Variants in SLC10A7 observed in about 807,000 individuals in gnomAD.
The protein encoded by SLC10A7 is sodium/bile acid cotransporter 7.
In SLC10A7, 29 loss-of-function variants were observed where a neutral mutation model predicts 43.2. That is an observed-to-expected ratio of 0.67 (90% CI 0.50 to 0.92). SLC10A7 has a LOEUF of 0.92. Ranked by LOEUF, SLC10A7 falls within the 40% of genes least tolerant of loss-of-function variation. The pLI is 0.00. For missense variants in SLC10A7, 295 were observed against 403.2 expected (o/e 0.73, Z 2.30); for synonymous variants, 152 against 144.8 (o/e 1.05, Z -0.35).
At chr4:146,263,459 A>G (rs1728360867) in intron 10 of SLC10A7, among the ~76,000 whole-genome samples, 1 of 152,124 alleles carries the variant, frequency 6.6e-6, no homozygotes, top group Admixed American at 6.5e-5. Flanking sequence ...CTATCACTCC[A>G]TTTTTACTAC....
At chr4:146,272,815 TTAATAA>T (rs199946311) in intron 10 of SLC10A7, among the ~76,000 whole-genome samples, 3,388 of 152,062 alleles carry the variant, frequency 0.022, 96 homozygotes, top group Non-Finnish European at 0.028. Flanking sequence ...TTTCTAAATA[TTAATAA>T]TAATAATAAA....
At chr4:146,289,776 C>T (rs949923304) in intron 9 of SLC10A7, among the ~76,000 whole-genome samples, 67 of 124,700 alleles carry the variant, frequency 5.4e-4, no homozygotes, top group Non-Finnish European at 8.7e-4. Context: ...AGTGCAGTGG[C>T]GTGATCTCAG....
At chr4:146,497,471 T>G (rs1735999807) in intron 4 of SLC10A7, among the ~76,000 whole-genome samples, 2 of 152,216 alleles carry the variant, frequency 1.3e-5, no homozygotes, top group Non-Finnish European at 2.9e-5. Flanking sequence ...ATTATATTTC[T>G]CTTCCACTTG....
chr4:146,328,472 C>T (rs1385270943), intron 5 of SLC10A7, among the ~76,000 whole-genome samples: 6 of 152,180 alleles, frequency 3.9e-5, no homozygotes, highest in African/African-American at 1.2e-4. Flanking sequence ...TTTGCATCAT[C>T]GGTGGACCTT....
At chr4:146,324,104 T>C (rs1021742842) in intron 6 of SLC10A7, among the ~76,000 whole-genome samples, 1 of 152,036 alleles carries the variant, frequency 6.6e-6, no homozygotes, top group African/African-American at 2.4e-5. Context: ...TACCTAGGAA[T>C]CCAACTTACA....
chr4:146,306,418 A>C (rs1321087551), intron 6 of SLC10A7, among the ~76,000 whole-genome samples: 1 of 152,134 alleles, frequency 6.6e-6, no homozygotes, highest in Non-Finnish European at 1.5e-5. Flanking sequence ...TATTTATGTA[A>C]ATGAAATAGT....
At position 146,283,144 on chromosome 4, in the gene SLC10A7, T is replaced by TA. The variant is rs755696451; in HGVS notation, c.847+47dup. The TA allele has an allele frequency of 1.1e-5, 15 of 1,380,168 alleles. No individual in the cohort carries two copies. The African/African-American group carries it at 2.1e-4, about 20-fold the overall frequency. The allele number at this position is 1,380,168 out of a possible 1,614,324, so 85.5% of individuals were successfully genotyped here. ...CTTTGAATATCAAAGTCATAAGATG[T>TA]AACTATATGAGGGTAATAGGTGGTT... On this transcript the variant is annotated intron_variant, in intron 10 of 11. Transcript: ENST00000335472.
intron 5 of SLC10A7, among the ~76,000 whole-genome samples, chr4:146,374,623 C>CAT (rs1737042011): frequency 3.0e-5 from 4 of 134,624 alleles, no homozygotes; most frequent in Admixed American, 2.3e-4. Context: ...TACACATACA[C>CAT]ACACACACAC....
At chr4:146,399,227 G>A (rs945078146) in intron 5 of SLC10A7, among the ~76,000 whole-genome samples, 7 of 152,126 alleles carry the variant, frequency 4.6e-5, no homozygotes, top group Non-Finnish European at 8.8e-5. Flanking sequence ...CTTGAGGGGA[G>A]AAAGTCTTTG....
chr4:146,384,410 A>T (rs1737846131), intron 5 of SLC10A7, among the ~76,000 whole-genome samples: 2 of 152,152 alleles, frequency 1.3e-5, no homozygotes, highest in South Asian at 4.1e-4. Flanking sequence ...TTATTATTTT[A>T]TGAGTAGCTT....
In SLC10A7 at chr4:146,519,028, C is replaced by T. The variant is rs74808595; in HGVS notation, c.101-1908G>A. The stretch of plus-strand genomic sequence containing the variant: ...CATAGCCTGAAACCCTCCACTTGTT[C>T]GATATATGGACAGAAGACCAAGCTC... On this transcript the variant is annotated intron_variant, in intron 1 of 11. Transcript: ENST00000335472. Among the ~76,000 whole-genome samples, 39 of 122,938 alleles carry T rather than the reference C, an allele frequency of 3.2e-4. No individual in the cohort carries two copies. The East Asian group carries it at 7.4e-3, about 23-fold the overall frequency. 80.7% of individuals were successfully genotyped at this position (122,938 alleles called of 152,430 possible).
At chr4:146,402,734 C>A (rs961663083) in intron 5 of SLC10A7, among the ~76,000 whole-genome samples, 2 of 152,192 alleles carry the variant, frequency 1.3e-5, no homozygotes, top group African/African-American at 4.8e-5. Context: ...AACTCCATTT[C>A]GCCTTGAAGA....
chr4:146,256,148 C>A lies in SLC10A7; in HGVS notation c.*343G>T. The A allele has an allele frequency of 4.4e-6, 1 of 227,670 alleles. No individual in the cohort carries two copies. Among genetic ancestry groups the A allele is most frequent in the Admixed American group, 5.5e-5 (1 of 18,020 alleles). The allele number at this position is 227,670 out of a possible 1,614,324, so 14.1% of individuals were successfully genotyped here. ...GAAGGGCATTTTCCTGATGGTGTGA[C>A]CTCATTTCAAACATTACAGTAACTA... On this transcript the variant is annotated 3_prime_UTR_variant, in exon 12 of 12. Transcript: ENST00000335472.
At chr4:146,401,640 A>G (rs1739233981) in intron 5 of SLC10A7, among the ~76,000 whole-genome samples, 1 of 152,132 alleles carries the variant, frequency 6.6e-6, no homozygotes, top group African/African-American at 2.4e-5. Context: ...GTGGATGAGG[A>G]AACAGTGAAC....
intron 5 of SLC10A7, among the ~76,000 whole-genome samples, chr4:146,351,525 A>G (rs1735102651): frequency 6.7e-6 from 1 of 149,960 alleles, no homozygotes; most frequent in Non-Finnish European, 1.5e-5. Flanking sequence ...GATTCAGGAA[A>G]TACAGAGAAT....
intron 5 of SLC10A7, among the ~76,000 whole-genome samples, chr4:146,329,332 A>T (rs967328579): frequency 1.3e-5 from 2 of 152,198 alleles, no homozygotes; most frequent in Non-Finnish European, 2.9e-5. Flanking sequence ...GAGCACCATA[A>T]TTTTTAGTAA....
At chr4:146,482,663 G>T (rs1734576364) in intron 4 of SLC10A7, among the ~76,000 whole-genome samples, 1 of 151,920 alleles carries the variant, frequency 6.6e-6, no homozygotes, top group African/African-American at 2.4e-5. Flanking sequence ...TGGCATTATG[G>T]GAGTTCCAGA....
At chr4:146,505,887 G>T (rs1322560089) in intron 3 of SLC10A7, among the ~76,000 whole-genome samples, 3 of 152,250 alleles carry the variant, frequency 2.0e-5, no homozygotes, top group East Asian at 3.9e-4. Flanking sequence ...TTTAAGATAA[G>T]TGTTATTATT....
At chr4:146,372,813 T>G (rs547639135) in intron 5 of SLC10A7, among the ~76,000 whole-genome samples, 1 of 152,300 alleles carries the variant, frequency 6.6e-6, no homozygotes, top group African/African-American at 2.4e-5. Flanking sequence ...AAAGTAACAT[T>G]TTTTGGATTA....
Sources: allele counts gnomAD v4.1 joint callset (sites outside exome capture counted in the v4.1 genomes callset), GRCh38; gene constraint gnomAD v4.1.1; transcripts MANE v1.5; gene names NCBI Gene and HGNC (gene_info 2026-07-23, HGNC 2026-07-21).